The following CTCF variants were observed in gnomAD, a reference collection of about 807,000 sequenced individuals.
CTCF encodes CCCTC-binding factor, also known as transcriptional repressor CTCF.
Under a neutral mutation model 72.3 loss-of-function variants are expected in CTCF, and 7 were observed. The observed-to-expected ratio is 0.10, with a 90% CI of 0.06 to 0.18. CTCF has a LOEUF of 0.18. Ranked by LOEUF, CTCF falls within the 10% of genes least tolerant of loss-of-function variation. The pLI, the probability that CTCF is intolerant of heterozygous loss-of-function variation, is 1.00. For missense variants in CTCF, 516 were observed against 949.1 expected (o/e 0.54, Z 6.00); for synonymous variants, 374 against 315.8 (o/e 1.18, Z -1.95).
chr16:67,626,172 G>A (rs2052284732), intron 7 of CTCF, among the ~76,000 whole-genome samples: 1 of 152,046 alleles, frequency 6.6e-6, no homozygotes, highest in Non-Finnish European at 1.5e-5. Context: ...GGGCGCAGTG[G>A]CTCACACCTA....
At chr16:67,609,292 T>A (rs1181005826) in intron 2 of CTCF, among the ~76,000 whole-genome samples, 1 of 152,216 alleles carries the variant, frequency 6.6e-6, no homozygotes, top group Non-Finnish European at 1.5e-5. Context: ...TCAGTTATTT[T>A]CAGGTATACG....
At chr16:67,633,911 T>C (rs2052397209) in intron 10 of CTCF, among the ~76,000 whole-genome samples, 1 of 152,082 alleles carries the variant, frequency 6.6e-6, no homozygotes, top group Non-Finnish European at 1.5e-5. Context: ...TGCTTTATCC[T>C]GGTATAGTAG....
At chr16:67,632,122 G>C (rs1418927425) in intron 10 of CTCF, among the ~76,000 whole-genome samples, 2 of 151,438 alleles carry the variant, frequency 1.3e-5, no homozygotes, top group Non-Finnish European at 2.9e-5. Flanking sequence ...ACTGTTGGGG[G>C]TTTTCAGAAA....
chr16:67,622,914 G>A (rs1050916380), intron 7 of CTCF, among the ~76,000 whole-genome samples: 2 of 147,202 alleles, frequency 1.4e-5, no homozygotes, highest in Non-Finnish European at 3.0e-5. Flanking sequence ...TGCCTACCTC[G>A]GCCTCCCAAA....
rs2052437421 is a variant in CTCF at position 67,636,806 on chromosome 16, A to C, written c.1954A>C (p.Arg652=). ...TPAPPPAKKR[R]GRPPGRTNQP... is the part of the protein sequence containing the mutation. ...AGCCCCACCACCCGCCAAGAAGCGG[A>C]GAGGACGACCCCCTGGCAGAACCAA... Residue 652 remains arginine, a synonymous_variant, in exon 11 of 12, where the codon AGA becomes CGA. Transcript: ENST00000264010. 6.3e-6 allele frequency: 10 copies of C among 1,599,892 alleles called. No individual in the cohort carries two copies. The highest frequency in any genetic ancestry group is 8.5e-6 in the Non-Finnish European group (10 of 1,172,840).
chr16:67,590,069 A>G (rs1042599863), intron 2 of CTCF, among the ~76,000 whole-genome samples: 1 of 152,018 alleles, frequency 6.6e-6, no homozygotes, highest in Non-Finnish European at 1.5e-5. Flanking sequence ...ACTGGTCAAC[A>G]AGAGCGAAAC....
chr16:67,623,105 G>A (rs2052226643), intron 7 of CTCF, among the ~76,000 whole-genome samples: 1 of 149,764 alleles, frequency 6.7e-6, no homozygotes, highest in African/African-American at 2.5e-5. Flanking sequence ...GGGACTACAG[G>A]TGCCCGCCCA....
chr16:67,574,553 G>T (rs2051468967), intron 2 of CTCF, among the ~76,000 whole-genome samples: 1 of 151,792 alleles, frequency 6.6e-6, no homozygotes, highest in Non-Finnish European at 1.5e-5. Context: ...TGTTGGCCAG[G>T]CTGGTCTCAA....
At chr16:67,591,739 GCA>G (rs775498500) in intron 2 of CTCF, among the ~76,000 whole-genome samples, 15 of 152,100 alleles carry the variant, frequency 9.9e-5, no homozygotes, top group African/African-American at 2.4e-4. Context: ...GGCAGTAAGG[GCA>G]CAGAGTCTTG....
chr16:67,598,022 G>T (rs917663896), intron 2 of CTCF, among the ~76,000 whole-genome samples: 15 of 151,966 alleles, frequency 9.9e-5, no homozygotes, highest in African/African-American at 4.8e-5. Flanking sequence ...TATTGCCCAG[G>T]CCAGAGTGCA....
Position 67,636,721 on chromosome 16 carries a change from G to A in CTCF, c.1869G>A (p.Glu623=), listed in dbSNP as rs1489431937. 4 of 1,609,710 alleles carry A rather than the reference G, an allele frequency of 2.5e-6. No individual in the cohort carries two copies. Among genetic ancestry groups the A allele is most frequent in the Non-Finnish European group, 3.4e-6 (4 of 1,177,930 alleles). Residue 623 remains glutamate, a synonymous_variant, in exon 11 of 12, where the codon GAG becomes GAA. Transcript: ENST00000264010. ...CTGAACCAGATCTGGACGACAATGA[G>A]GATGAGGAGGAGCCTGCCGTAGAAA... The part of the protein sequence containing the change: ...ENAEPDLDDN[E]DEEEPAVEIE...
intron 2 of CTCF, among the ~76,000 whole-genome samples, chr16:67,572,292 C>T (rs539511647): frequency 5.3e-5 from 8 of 152,238 alleles, no homozygotes; most frequent in African/African-American, 1.9e-4. Context: ...TAACTTACGC[C>T]CTGCAGGTTC....
chr16:67,594,050 A>G (rs952491413), intron 2 of CTCF, among the ~76,000 whole-genome samples: 1 of 152,182 alleles, frequency 6.6e-6, no homozygotes, highest in African/African-American at 2.4e-5. Context: ...CCATTTTTAC[A>G]TGGCAGGATT....
chr16:67,589,393 T>C (rs1459661527), intron 2 of CTCF, among the ~76,000 whole-genome samples: 2 of 152,162 alleles, frequency 1.3e-5, no homozygotes, highest in East Asian at 3.9e-4. Context: ...ACAAAATTGG[T>C]CTAATTCCAT....
intron 5 of CTCF, among the ~76,000 whole-genome samples, chr16:67,619,609 C>G: frequency 6.6e-6 from 1 of 152,150 alleles, no homozygotes; most frequent in East Asian, 1.9e-4. Flanking sequence ...GACAGGGTCT[C>G]TCACTCTGTC....
At chr16:67,621,241 A>G in intron 6 of CTCF, 2 of 501,042 alleles carry the variant, frequency 4.0e-6, no homozygotes, top group Admixed American at 3.2e-5. Flanking sequence ...AGAGCTGGGC[A>G]GAGCAGAGGT....
intron 5 of CTCF, among the ~76,000 whole-genome samples, chr16:67,618,816 G>A (rs1376326535): frequency 1.3e-5 from 2 of 152,172 alleles, no homozygotes; most frequent in African/African-American, 4.8e-5. Flanking sequence ...AAATGTACAT[G>A]AAGAAAACCT....
intron 2 of CTCF, among the ~76,000 whole-genome samples, chr16:67,602,655 A>G (rs942836865): frequency 2.6e-5 from 4 of 152,032 alleles, no homozygotes; most frequent in African/African-American, 9.7e-5. Context: ...CAGCCTGACC[A>G]ACATGGAGAA....
intron 2 of CTCF, among the ~76,000 whole-genome samples, chr16:67,610,151 C>G (rs1204778588): frequency 6.6e-6 from 1 of 152,138 alleles, no homozygotes; most frequent in African/African-American, 2.4e-5. Context: ...TTCTTGTTAT[C>G]TATTTGCAGA....
Sources: gnomAD v4.1 joint callset for allele counts (sites outside exome capture counted in the v4.1 genomes callset) on GRCh38, gnomAD v4.1.1 for gene constraint, MANE v1.5 for transcripts, NCBI Gene and HGNC (gene_info 2026-07-23, HGNC 2026-07-21) for gene names.